Variants in RAMP1 observed in about 807,000 individuals in gnomAD.
RAMP1 encodes the protein receptor activity modifying protein 1.
RAMP1 carries 7 observed loss-of-function variants against 8.2 expected under a neutral mutation model. The ratio of observed to expected loss-of-function variants is 0.85; its 90% CI spans 0.49 to 1.60. The LOEUF is 1.60. Ranked by LOEUF, RAMP1 falls within the 40% of genes most tolerant of loss-of-function variation. RAMP1 has a pLI of 0.00. For missense variants in RAMP1, 192 were observed against 202.4 expected (o/e 0.95, Z 0.31); for synonymous variants, 92 against 84.7 (o/e 1.09, Z -0.47).
In RAMP1 at chr2:237,870,453, TG is replaced by T. The variant is rs2062234412; in HGVS notation, c.53-6769del. On this transcript the variant is annotated intron_variant, in intron 1 of 2. Coordinates refer to ENST00000254661, the MANE Select transcript of RAMP1 (RefSeq NM_005855.4). ...CCTTTCTGGCTTTAAGAAGTATGCT[TG>T]GAGCTCATCTAACATCTTATTTTCC... Among the ~76,000 whole-genome samples the T allele has an allele frequency of 2.6e-5, 4 of 152,366 alleles. No homozygotes were observed. In the South Asian group the frequency reaches 8.3e-4, roughly 32 times the overall value.
intron 1 of RAMP1, among the ~76,000 whole-genome samples, chr2:237,864,315 C>T (rs914015875): frequency 2.2e-5 from 3 of 137,680 alleles, no homozygotes; most frequent in Non-Finnish European, 4.4e-5. Context: ...CCCAACCATG[C>T]GCGTGTTTGC....
chr2:237,859,589 C>G (rs571831311), upstream of RAMP1: 1 of 1,010,652 alleles, frequency 9.9e-7, no homozygotes, highest in Admixed American at 5.1e-5. Flanking sequence ...CCGCCCCCGG[C>G]GCGTCTCCTC....
Position 237,877,852 on chromosome 2 carries a change from GCTTCAGCCGAACCCTTCCCCAC to G in RAMP1, c.191+493_191+514del. ...ACCACCCACAGCCCCCAGCAGGACGGCTTCAGCCGAACCCTTCCCCACCTGGCCCGATCCTCCTGCCCAAGGG... is the reference window on the plus strand; with the variant it reads ...ACCACCCACAGCCCCCAGCAGGACGGCTGGCCCGATCCTCCTGCCCAAGGG... On this transcript the variant is annotated intron_variant, in intron 2 of 2. Coordinates refer to ENST00000254661, the MANE Select transcript of RAMP1 (RefSeq NM_005855.4). The surrounding 1 kb of genome is among the most constrained non-coding windows in gnomAD (Gnocchi z 4.4). 3.2e-6 allele frequency: 2 copies of G among 616,548 alleles called. No individual in the cohort carries two copies. Among genetic ancestry groups the G allele is most frequent in the Non-Finnish European group, 4.1e-6 (2 of 493,270 alleles). The allele number at this position is 616,548 out of a possible 1,614,324, so 38.2% of individuals were successfully genotyped here. A position where few individuals can be genotyped will look rare whatever the true frequency, so the allele number is the denominator to read the frequency against.
intron 1 of RAMP1, among the ~76,000 whole-genome samples, chr2:237,869,713 T>G (rs535092875): frequency 1.3e-5 from 2 of 152,368 alleles, no homozygotes; most frequent in Middle Eastern, 6.8e-3. Flanking sequence ...ATCAGGCTGC[T>G]GTGAACATGG....
At chr2:237,908,547 C>T (rs2062675817) in intron 2 of RAMP1, among the ~76,000 whole-genome samples, 1 of 152,126 alleles carries the variant, frequency 6.6e-6, no homozygotes, top group Admixed American at 6.5e-5. Flanking sequence ...AAGCGATTCT[C>T]TTGCCTCAGA....
Position 237,878,266 on chromosome 2 carries a change from G to C in RAMP1, c.191+904G>C. On this transcript the variant is annotated intron_variant, in intron 2 of 2. Coordinates refer to ENST00000254661, the MANE Select transcript of RAMP1 (RefSeq NM_005855.4). The surrounding 1 kb of genome is among the most constrained non-coding windows in gnomAD (Gnocchi z 5.7). The stretch of plus-strand genomic sequence containing the variant: ...CTTTCCCCAGTGCCTGAGAGAAAGG[G>C]AGCCCTGGGGACTGGTGGGGAGGGC... 1.1e-6 allele frequency: 1 copy of C among 870,992 alleles called. No homozygotes were observed. The highest frequency in any genetic ancestry group is 1.4e-6 in the Non-Finnish European group (1 of 725,496). 54.0% of individuals were successfully genotyped at this position (870,992 alleles called of 1,614,324 possible).
chr2:237,907,724 G>C (rs917248881), intron 2 of RAMP1, among the ~76,000 whole-genome samples: 2 of 152,134 alleles, frequency 1.3e-5, no homozygotes, highest in African/African-American at 4.8e-5. Context: ...ATTTCCACTA[G>C]ACCCGTTGTC....
At chr2:237,897,910 T>C (rs113702177) in intron 2 of RAMP1, among the ~76,000 whole-genome samples, 3,651 of 152,174 alleles carry the variant, frequency 0.024, 180 homozygotes, top group African/African-American at 0.084. Context: ...GCCATTCTCC[T>C]GCCTCAGCCT....
chr2:237,905,327 C>T (rs1182258909), intron 2 of RAMP1, among the ~76,000 whole-genome samples: 1 of 152,216 alleles, frequency 6.6e-6, no homozygotes, highest in Non-Finnish European at 1.5e-5. Flanking sequence ...TTTCAGCTGT[C>T]ACTTCTGTAT....
intron 1 of RAMP1, among the ~76,000 whole-genome samples, chr2:237,866,972 A>G (rs2062193636): frequency 6.6e-6 from 1 of 152,132 alleles, no homozygotes; most frequent in Admixed American, 6.5e-5. Flanking sequence ...CAAGTGATCC[A>G]TGCATCTTGG....
At position 237,862,574 on chromosome 2, in the gene RAMP1, A is replaced by G. The variant is rs1272514226; in HGVS notation, c.52+2847A>G. 6.6e-6 allele frequency among the ~76,000 whole-genome samples: 1 copy of G among 152,170 alleles called. No individual in the cohort carries two copies. Among genetic ancestry groups the G allele is most frequent in the Non-Finnish European group, 1.5e-5 (1 of 68,032 alleles). On this transcript the variant is annotated intron_variant, in intron 1 of 2. Transcript: ENST00000254661. This position sits in a 1 kb window ranked among gnomAD's most constrained non-coding sequence, Gnocchi z 4.0. ...TGCGCCCATTTCATAGCTTCTAATC[A>G]GTTACAACTGGCGTCTGGCTGACTG...
At chr2:237,868,830 T>G (rs1005271506) in intron 1 of RAMP1, among the ~76,000 whole-genome samples, 3 of 152,176 alleles carry the variant, frequency 2.0e-5, no homozygotes, top group East Asian at 3.8e-4. Flanking sequence ...AGCAAGTTTT[T>G]ACAAATCTCA....
chr2:237,861,860 A>T (rs1247544461), intron 1 of RAMP1, among the ~76,000 whole-genome samples: 2 of 151,936 alleles, frequency 1.3e-5, no homozygotes, highest in Non-Finnish European at 2.9e-5. Flanking sequence ...TCAAAAAAAA[A>T]AAAAACTTAG....
chr2:237,871,840 A>C (rs1185329443), intron 1 of RAMP1, among the ~76,000 whole-genome samples: 1 of 152,252 alleles, frequency 6.6e-6, no homozygotes, highest in Non-Finnish European at 1.5e-5. Flanking sequence ...CAACCTAGGC[A>C]GCAGAGTGAG....
chr2:237,902,468 G>C (rs1320382112), intron 2 of RAMP1, among the ~76,000 whole-genome samples: 2 of 151,886 alleles, frequency 1.3e-5, no homozygotes, highest in African/African-American at 2.4e-5. Context: ...TCTCCGCAGA[G>C]GGGGTGGGGG....
At chr2:237,903,578 G>T (rs1307185281) in intron 2 of RAMP1, among the ~76,000 whole-genome samples, 1 of 152,128 alleles carries the variant, frequency 6.6e-6, no homozygotes, top group Admixed American at 6.5e-5. Context: ...GAGTGCAGTG[G>T]CAGGAACATA....
At chr2:237,902,174 GC>G (rs974647966) in intron 2 of RAMP1, among the ~76,000 whole-genome samples, 2 of 152,190 alleles carry the variant, frequency 1.3e-5, no homozygotes, top group Admixed American at 6.5e-5. Flanking sequence ...GCTGGTAAGG[GC>G]CCGGGGTCTT....
chr2:237,874,760 TG>T, intron 1 of RAMP1: 1 of 929,926 alleles, frequency 1.1e-6, no homozygotes, highest in Non-Finnish European at 1.3e-6. Context: ...GCAAAGCTGC[TG>T]GGTGCCAGCG....
intron 2 of RAMP1, among the ~76,000 whole-genome samples, chr2:237,903,894 CTG>C (rs1241465576): frequency 1.3e-5 from 2 of 152,144 alleles, no homozygotes; most frequent in Non-Finnish European, 2.9e-5. Context: ...TGGGGTTTCA[CTG>C]TGTTAGCCAT....
Sources: allele counts gnomAD v4.1 joint callset (sites outside exome capture counted in the v4.1 genomes callset), GRCh38; gene constraint gnomAD v4.1.1; non-coding constraint Gnocchi (gnomAD v3.1); transcripts MANE v1.5; gene names NCBI Gene and HGNC (gene_info 2026-07-23, HGNC 2026-07-21).